STPG2: variants seen among roughly 807,000 people sequenced by gnomAD.
The protein encoded by STPG2 is sperm-tail PG-rich repeat-containing protein 2.
A neutral mutation model predicts 54.2 loss-of-function variants in STPG2; 56 were observed. The observed-to-expected ratio is 1.03, with a 90% CI of 0.83 to 1.29. The LOEUF (loss-of-function observed/expected upper bound fraction) is 1.29. STPG2 is among the 50% of genes most tolerant of loss of function. The pLI is 0.00. For missense variants in STPG2, 596 were observed against 544.9 expected (o/e 1.09, Z -0.93); for synonymous variants, 200 against 181.8 (o/e 1.10, Z -0.81).
chr4:97,567,605 G>T (rs1002281919), intron 10 of STPG2, among the ~76,000 whole-genome samples: 2 of 151,776 alleles, frequency 1.3e-5, no homozygotes, highest in African/African-American at 2.4e-5. Flanking sequence ...CCAAATATAG[G>T]AAATTGGTTA....
chr4:97,474,267 G>GA (rs901917333), intron 4 of STPG2, among the ~76,000 whole-genome samples: 2,475 of 145,938 alleles, frequency 0.017, 63 homozygotes, highest in African/African-American at 0.059. Flanking sequence ...TGTATTAATG[G>GA]AAAAAAAAAA....
intron 9 of STPG2, among the ~76,000 whole-genome samples, chr4:97,735,345 A>C (rs892931000): frequency 6.6e-6 from 1 of 151,466 alleles, no homozygotes; most frequent in African/African-American, 2.4e-5. Context: ...GTGGGAGCTA[A>C]GCTATGAGTA....
At chr4:97,864,476 G>A (rs1350659122) in intron 8 of STPG2, among the ~76,000 whole-genome samples, 2 of 152,138 alleles carry the variant, frequency 1.3e-5, no homozygotes, top group Non-Finnish European at 2.9e-5. Flanking sequence ...ACATGCTCAT[G>A]GATAGGAAGA....
chr4:97,739,057 A>T (rs1725125029), intron 9 of STPG2, among the ~76,000 whole-genome samples: 4 of 151,934 alleles, frequency 2.6e-5, no homozygotes, highest in East Asian at 1.9e-4. Flanking sequence ...GGATTAAGAA[A>T]CTCACTCAAA....
chr4:97,610,296 T>G (rs1204825765), intron 10 of STPG2, among the ~76,000 whole-genome samples: 1 of 152,072 alleles, frequency 6.6e-6, no homozygotes, highest in East Asian at 1.9e-4. Context: ...CAAATCTTAA[T>G]GCATATTCTT....
chr4:98,060,468 T>C (rs964406003), intron 5 of STPG2, among the ~76,000 whole-genome samples: 1 of 152,192 alleles, frequency 6.6e-6, no homozygotes, highest in Non-Finnish European at 1.5e-5. Context: ...GGAGAATCAA[T>C]ATTGTTAAAA....
chr4:98,142,078 G>A (rs1345439861), intron 1 of STPG2, among the ~76,000 whole-genome samples: 1 of 152,074 alleles, frequency 6.6e-6, no homozygotes, highest in Non-Finnish European at 1.5e-5. Context: ...CCATTGTTAG[G>A]GGAATTAATG....
chr4:97,840,572 A>G (rs987081495), intron 9 of STPG2, among the ~76,000 whole-genome samples: 4 of 151,658 alleles, frequency 2.6e-5, no homozygotes, highest in Non-Finnish European at 5.9e-5. Context: ...AAGCAAAATG[A>G]TGTACAACAC....
intron 5 of STPG2, among the ~76,000 whole-genome samples, chr4:98,023,655 G>A (rs551266499): frequency 1.1e-3 from 163 of 152,300 alleles, no homozygotes; most frequent in Non-Finnish European, 1.8e-3. Context: ...AGGCAGGCAG[G>A]CCTCCTTGAG....
At chr4:97,566,955 C>T (rs1578394495) in intron 10 of STPG2, among the ~76,000 whole-genome samples, 1 of 151,588 alleles carries the variant, frequency 6.6e-6, no homozygotes, top group East Asian at 1.9e-4. Context: ...ATGGGCGCAG[C>T]ACACCAGCAT....
At chr4:97,632,124 C>A (rs979296590) in intron 10 of STPG2, among the ~76,000 whole-genome samples, 2 of 151,878 alleles carry the variant, frequency 1.3e-5, no homozygotes, top group Non-Finnish European at 1.5e-5. Context: ...CTTATTGATA[C>A]CTTCAAAAAA....
chr4:97,478,179 G>C (rs1360067262), intron 4 of STPG2, among the ~76,000 whole-genome samples: 1 of 152,074 alleles, frequency 6.6e-6, no homozygotes, highest in Non-Finnish European at 1.5e-5. Context: ...GAAATGATAG[G>C]TAAGTGATAC....
intron 8 of STPG2, among the ~76,000 whole-genome samples, chr4:97,879,307 C>A (rs1266194086): frequency 6.6e-6 from 1 of 152,194 alleles, no homozygotes; most frequent in Non-Finnish European, 1.5e-5. Flanking sequence ...CAGTGCCCCA[C>A]TCTACTGGTA....
chr4:97,676,002 T>C (rs1245385268), intron 10 of STPG2, among the ~76,000 whole-genome samples: 1 of 146,260 alleles, frequency 6.8e-6, no homozygotes, highest in Non-Finnish European at 1.5e-5. Flanking sequence ...AACATATATA[T>C]ACTATATATA....
chr4:97,956,289 C>T (rs1299624770), intron 7 of STPG2, among the ~76,000 whole-genome samples: 2 of 151,672 alleles, frequency 1.3e-5, no homozygotes, highest in African/African-American at 4.8e-5. Context: ...AGTAAAAAAA[C>T]TAAAAATGTA....
chr4:97,771,191 A>T (rs552525991), intron 9 of STPG2, among the ~76,000 whole-genome samples: 2 of 152,346 alleles, frequency 1.3e-5, no homozygotes, highest in East Asian at 3.9e-4. Context: ...AAGGTAATAA[A>T]ATAAGGCACA....
At chr4:97,858,853 T>C (rs1342177289) in intron 8 of STPG2, among the ~76,000 whole-genome samples, 1 of 152,194 alleles carries the variant, frequency 6.6e-6, no homozygotes, top group Non-Finnish European at 1.5e-5. Flanking sequence ...TGCGCTGCTA[T>C]AACATGTGTG....
intron 3 of STPG2, among the ~76,000 whole-genome samples, chr4:98,127,368 A>C (rs2110161315): frequency 6.6e-6 from 1 of 152,198 alleles, no homozygotes; most frequent in East Asian, 1.9e-4. Context: ...AGGATCTAAA[A>C]CCCCAAAAAC....
chr4:97,723,779 C>T (rs72879515), intron 9 of STPG2, among the ~76,000 whole-genome samples: 2,920 of 152,200 alleles, frequency 0.019, 86 homozygotes, highest in African/African-American at 0.067. Context: ...CACTTCTTCA[C>T]GAGGCAGTAG....
Sources: allele counts gnomAD v4.1 joint callset (sites outside exome capture counted in the v4.1 genomes callset), GRCh38; gene constraint gnomAD v4.1.1; transcripts MANE v1.5; gene names NCBI Gene and HGNC (gene_info 2026-07-23, HGNC 2026-07-21).